Variants in TBCK observed in about 807,000 individuals in gnomAD.
TBCK encodes the protein TBC domain-containing protein kinase-like protein.
A neutral mutation model predicts 113.4 loss-of-function variants in TBCK; 99 were observed. That is an observed-to-expected ratio of 0.87 (90% CI 0.74 to 1.03). The LOEUF is 1.03. Among genes scored for constraint, TBCK ranks in the 50% least tolerant of loss-of-function variants. The probability of loss-of-function intolerance (pLI) is 0.00; values close to 1 mark genes in which losing one functional copy is unlikely to be tolerated. For synonymous variants in TBCK, 369 were observed against 370.8 expected, an observed-to-expected ratio of 1.00 and a Z score of 0.05; for missense variants, 1,045 against 1,061.3, an observed-to-expected ratio of 0.98 and a Z score of 0.21.
At chr4:106,145,701 GT>G (rs1747708441) in intron 23 of TBCK, among the ~76,000 whole-genome samples, 1 of 152,052 alleles carries the variant, frequency 6.6e-6, no homozygotes, top group Non-Finnish European at 1.5e-5. Flanking sequence ...TAATGGGGTT[GT>G]TTTTCTCTTG....
At chr4:106,277,455 A>C (rs1764149564) in intron 3 of TBCK, among the ~76,000 whole-genome samples, 1 of 152,186 alleles carries the variant, frequency 6.6e-6, no homozygotes, top group African/African-American at 2.4e-5. Context: ...GAAGTTCAAC[A>C]AGAGAAAATT....
chr4:106,265,174 ACT>A (rs1762878117), intron 3 of TBCK, among the ~76,000 whole-genome samples: 1 of 151,938 alleles, frequency 6.6e-6, no homozygotes, highest in Non-Finnish European at 1.5e-5. Flanking sequence ...TACATCTTTC[ACT>A]GTTTTCTCTC....
At chr4:106,268,005 C>T (rs1008065942) in intron 3 of TBCK, among the ~76,000 whole-genome samples, 10 of 151,966 alleles carry the variant, frequency 6.6e-5, no homozygotes, top group African/African-American at 2.4e-4. Flanking sequence ...ACTGCACAAC[C>T]TATATTTACT....
chr4:106,047,771 C>T (rs1734375473), intron 25 of TBCK, among the ~76,000 whole-genome samples: 2 of 152,068 alleles, frequency 1.3e-5, no homozygotes. Context: ...ACCATAAAAC[C>T]TAGGGCAAAA....
intron 3 of TBCK, among the ~76,000 whole-genome samples, chr4:106,274,616 A>C (rs1763821417): frequency 6.6e-6 from 1 of 152,186 alleles, no homozygotes; most frequent in Non-Finnish European, 1.5e-5. Context: ...TGAAAAGGTC[A>C]GGGTAGGTAA....
rs190415816 is a variant in TBCK, at chr4:106,212,772, T to C, written c.1838A>G (p.Asn613Ser). The C allele has an allele frequency of 1.4e-5, 23 of 1,611,608 alleles. No individual in the cohort carries two copies. Among genetic ancestry groups the C allele is most frequent in the Middle Eastern group, 3.3e-4 (2 of 6,048 alleles). ...TACATCTGGAATGAAACCAATCTCA[T>C]TGAGATGATTACTCAGCTCTGGATC... ...FHDPELSNHL[N>S]EIGFIPDLYA... Residue 613 changes from asparagine (N) to serine (S), a missense_variant, in exon 20 of 26, where the codon AAT becomes AGT. Transcript: ENST00000394708.
At chr4:106,233,552 A>T in intron 16 of TBCK, 36 bp downstream of exon 16, 1 of 1,558,826 alleles carries the variant, frequency 6.4e-7, no homozygotes, top group Non-Finnish European at 8.8e-7. Context: ...ATTTGGCAGA[A>T]TTATCTTAGG....
chr4:106,123,152 T>C (rs1744668809), intron 23 of TBCK, among the ~76,000 whole-genome samples: 1 of 152,192 alleles, frequency 6.6e-6, no homozygotes, highest in South Asian at 2.1e-4. Context: ...AAAATCTCCT[T>C]CAGCTGATAA....
rs190171581 is a variant in TBCK, at chr4:106,225,631, G to C, written c.1774+4732C>G. Among the ~76,000 whole-genome samples the C allele has an allele frequency of 1.4e-4, 21 of 152,078 alleles. No individual in the cohort carries two copies. The East Asian group carries it at 4.1e-3, about 30-fold the overall frequency. ...CCTGCCACCATGCCCAGCTATTTTT[G>C]TATTTTTAGTAGAGACAGGGTTTCA... On this transcript the variant is annotated intron_variant, in intron 19 of 25. Transcript: ENST00000394708.
At chr4:106,186,562 T>C (rs191708397) in intron 22 of TBCK, among the ~76,000 whole-genome samples, 38 of 152,260 alleles carry the variant, frequency 2.5e-4, no homozygotes, top group Non-Finnish European at 4.7e-4. Flanking sequence ...ATGTACTTTT[T>C]ACATTTTTAA....
intron 2 of TBCK, among the ~76,000 whole-genome samples, chr4:106,303,188 T>C (rs1767130902): frequency 6.6e-6 from 1 of 152,172 alleles, no homozygotes; most frequent in Admixed American, 6.5e-5. Context: ...AATTGGTAAA[T>C]ATATGACATG....
At chr4:106,286,982 A>T (rs1765178755) in intron 3 of TBCK, among the ~76,000 whole-genome samples, 1 of 152,186 alleles carries the variant, frequency 6.6e-6, no homozygotes. Flanking sequence ...CTTTCGCCTC[A>T]GTTCCTTTAC....
chr4:106,104,523 A>G (rs1383800381), intron 24 of TBCK, among the ~76,000 whole-genome samples: 1 of 151,682 alleles, frequency 6.6e-6, no homozygotes, highest in African/African-American at 2.4e-5. Flanking sequence ...CTCACTGGGC[A>G]GGACCTCCCA....
chr4:106,165,474 C>T (rs1392812854), intron 23 of TBCK, among the ~76,000 whole-genome samples: 3 of 151,716 alleles, frequency 2.0e-5, no homozygotes, highest in Admixed American at 2.0e-4. Flanking sequence ...TCCTTACTCT[C>T]CACACTGTTT....
intron 25 of TBCK, among the ~76,000 whole-genome samples, chr4:106,087,345 GAATAA>G (rs1439433308): frequency 6.6e-6 from 1 of 152,026 alleles, no homozygotes; most frequent in Admixed American, 6.5e-5. Context: ...CACTAAAACA[GAATAA>G]AATACCTAGG....
chr4:106,107,362 T>G (rs1427774045), intron 24 of TBCK, among the ~76,000 whole-genome samples: 1 of 152,152 alleles, frequency 6.6e-6, no homozygotes, highest in African/African-American at 2.4e-5. Flanking sequence ...TGGCACATAC[T>G]CTAAAATCGA....
Position 106,230,443 on chromosome 4 carries a change from A to G in TBCK, c.1694T>C (p.Leu565Ser). The G allele has an allele frequency of 6.3e-7, 1 of 1,594,658 alleles. No homozygotes were observed. Among genetic ancestry groups the G allele is most frequent in the Non-Finnish European group, 8.6e-7 (1 of 1,167,160 alleles). ...AAAAGCAGACATACATGCATAAGCC[A>G]AGGCTAAAAGAGAATAAGGCAAAGG... ...FLYLNFNNEA[L>S]AYACMSAFIP... The change falls in exon 19 of 26, where the codon TTG becomes TCG. Residue 565 changes from leucine (L) to serine (S), a missense_variant. By Grantham distance (145) the Leu-to-Ser change is moderately radical (BLOSUM62 -2). Coordinates refer to ENST00000394708, the MANE Select transcript of TBCK (RefSeq NM_001163435.3).
At chr4:106,076,401 ACAG>A (rs1351042933) in intron 25 of TBCK, among the ~76,000 whole-genome samples, 1 of 152,256 alleles carries the variant, frequency 6.6e-6, no homozygotes, top group Non-Finnish European at 1.5e-5. Context: ...AGCAGCAGCA[ACAG>A]CAGCAGTATT....
intron 1 of TBCK, among the ~76,000 whole-genome samples, chr4:106,312,712 G>T (rs766986705): frequency 2.0e-5 from 3 of 152,048 alleles, no homozygotes; most frequent in African/African-American, 7.2e-5. Flanking sequence ...TCCCATAAGT[G>T]AATCAATTAA....
Sources: allele counts gnomAD v4.1 joint callset (sites outside exome capture counted in the v4.1 genomes callset), GRCh38; gene constraint gnomAD v4.1.1; transcripts MANE v1.5; gene names NCBI Gene and HGNC (gene_info 2026-07-23, HGNC 2026-07-21).